Variants in PAK3 observed in about 807,000 individuals in gnomAD.
The protein encoded by PAK3 is serine/threonine-protein kinase PAK 3.
PAK3 carries 4 observed loss-of-function variants against 41.0 expected under a neutral mutation model. The observed-to-expected ratio is 0.10, with a 90% CI of 0.05 to 0.22. The LOEUF is 0.22. PAK3 is among the 10% of genes least tolerant of loss of function. The pLI is 1.00. For missense variants in PAK3, 205 were observed against 409.9 expected, an observed-to-expected ratio of 0.50 and a Z score of 4.32; for synonymous variants, 146 against 139.6, an observed-to-expected ratio of 1.05 and a Z score of -0.32.
intron 1 of PAK3, among the ~76,000 whole-genome samples, chrX:111,022,894 TTA>T (rs760146975): frequency 1.8e-5 from 2 of 108,633 alleles, no homozygotes; most frequent in Admixed American, 9.9e-5. Flanking sequence ...GCTATTCTTT[TTA>T]TATATATATA....
intron 1 of PAK3, among the ~76,000 whole-genome samples, chrX:111,068,545 G>T (rs1320960743): frequency 8.9e-6 from 1 of 112,503 alleles, no homozygotes; most frequent in African/African-American, 3.2e-5. Context: ...CAAACAATCT[G>T]CCCACCTCGG....
At chrX:110,948,845 A>G (rs2090680484) in intron 1 of PAK3, among the ~76,000 whole-genome samples, 1 of 112,477 alleles carries the variant, frequency 8.9e-6, no homozygotes, top group South Asian at 3.7e-4. Context: ...TGTGACTTTA[A>G]GACTGTGTGA....
At chrX:111,217,647 C>CT (rs2094893509) in intron 17 of PAK3, 1 of 932,063 alleles carries the variant, frequency 1.1e-6, no homozygotes, top group African/African-American at 2.0e-5. Flanking sequence ...TACATCTTTT[C>CT]TTTTCTGCTA....
chrX:111,183,978 T>C (rs2094484947), intron 11 of PAK3, among the ~76,000 whole-genome samples: 1 of 111,768 alleles, frequency 8.9e-6, no homozygotes, highest in Non-Finnish European at 1.9e-5. Flanking sequence ...GAAAGATCTC[T>C]AACTTCAAGT....
intron 1 of PAK3, among the ~76,000 whole-genome samples, chrX:110,959,521 T>C (rs183700782): frequency 1.5e-3 from 170 of 112,115 alleles, no homozygotes; most frequent in Non-Finnish European, 2.8e-3. Flanking sequence ...CATGTTAGCA[T>C]CACCTGGGGA....
intron 1 of PAK3, among the ~76,000 whole-genome samples, chrX:111,066,858 T>G (rs753339689): frequency 8.9e-6 from 1 of 112,213 alleles, no homozygotes; most frequent in East Asian, 2.8e-4. Context: ...TATGAGAAAA[T>G]TGAAGCTGAG....
Position 110,990,094 on chromosome X carries a change from G to A in PAK3, c.-28+45466G>A, listed in dbSNP as rs1416877683. ...CCGGCAGAGTCATAGAGTCGGTGTG[G>A]TCTAATGCAAAGAATCTGGGGCTCA... On this transcript the variant is annotated intron_variant, in intron 1 of 14. Coordinates refer to the PAK3 transcript ENST00000425146. Among the ~76,000 whole-genome samples, 4 of 111,660 alleles carry A rather than the reference G, an allele frequency of 3.6e-5. No individual in the cohort carries two copies. In the Admixed American group the frequency reaches 3.8e-4, roughly 11 times the overall value.
intron 7 of PAK3, among the ~76,000 whole-genome samples, chrX:111,151,229 T>C (rs181703114): frequency 6.2e-5 from 7 of 112,475 alleles, no homozygotes; most frequent in African/African-American, 1.9e-4. Flanking sequence ...GAACTGAAAA[T>C]GTATTCAAGA....
At position 111,221,008 on chromosome X, in the gene PAK3, C is replaced by G. The variant is rs1458313876; in HGVS notation, c.*561C>G. The G allele has an allele frequency of 1.8e-5, 2 of 109,016 alleles. No individual in the cohort carries two copies. The allele number at this position is 109,016 out of a possible 1,213,427, so 9.0% of individuals were successfully genotyped here. On this transcript the variant is annotated 3_prime_UTR_variant, in exon 18 of 18. Coordinates refer to ENST00000372007, the MANE Select transcript of PAK3 (RefSeq NM_002578.5). Reference sequence around the variant, plus strand: ...ACAAAAACAAGCAAACAAAAAATACCAGAGCAAGTACTGTGTGAACATGTG... The same window carrying G: ...ACAAAAACAAGCAAACAAAAAATACGAGAGCAAGTACTGTGTGAACATGTG...
intron 8 of PAK3, among the ~76,000 whole-genome samples, chrX:111,153,263 C>A (rs2094056570): frequency 8.9e-6 from 1 of 111,853 alleles, no homozygotes; most frequent in Non-Finnish European, 1.9e-5. Context: ...TAAATAACTT[C>A]TCTAAGGTTA....
At chrX:111,215,825 G>A (rs977339524) in intron 16 of PAK3, among the ~76,000 whole-genome samples, 10 of 111,919 alleles carry the variant, frequency 8.9e-5, no homozygotes, top group Admixed American at 8.5e-4. Flanking sequence ...AAATCAATAG[G>A]GATACAGCTG....
At chrX:111,009,029 T>A (rs1429312964) in intron 1 of PAK3, among the ~76,000 whole-genome samples, 2 of 111,299 alleles carry the variant, frequency 1.8e-5, no homozygotes, top group African/African-American at 6.5e-5. Flanking sequence ...GGTTTTTTTT[T>A]AATATTGAAG....
In PAK3 at chrX:111,004,819, A is replaced by C. The variant is rs776977389; in HGVS notation, c.-28+60191A>C. ...GCCCTCCATTTGGGCTTTGGTGATA[A>C]CTAGAGTATTCTTTAGTTGTTAATC... On this transcript the variant is annotated intron_variant, in intron 1 of 14. Transcript: ENST00000425146. Among the ~76,000 whole-genome samples, 3 of 112,281 alleles carry C rather than the reference A, an allele frequency of 2.7e-5. No homozygotes were observed. In the South Asian group the frequency reaches 1.1e-3, roughly 42 times the overall value.
At chrX:111,032,592 C>T (rs370033088) in intron 1 of PAK3, among the ~76,000 whole-genome samples, 7 of 111,466 alleles carry the variant, frequency 6.3e-5, no homozygotes, top group African/African-American at 1.6e-4. Flanking sequence ...AAAAACAAAA[C>T]GAAAACTGCC....
intron 1 of PAK3, among the ~76,000 whole-genome samples, chrX:110,990,392 A>G (rs1296539140): frequency 1.8e-5 from 2 of 112,131 alleles, no homozygotes; most frequent in Non-Finnish European, 3.8e-5. Context: ...CCATTTATGC[A>G]GGGCATGCCA....
At chrX:111,187,439 T>C (rs2149300239) in intron 11 of PAK3, among the ~76,000 whole-genome samples, 1 of 111,624 alleles carries the variant, frequency 9.0e-6, no homozygotes, top group Non-Finnish European at 1.9e-5. Flanking sequence ...CATTTAATCC[T>C]CCTTTAATCC....
rs1260648595 is a variant in PAK3 at position 111,163,744 on chromosome X, A to G, written c.766+17A>G. The G allele has an allele frequency of 5.3e-6, 6 of 1,140,514 alleles. No individual in the cohort carries two copies. The highest frequency in any genetic ancestry group is 7.2e-6 in the Non-Finnish European group (6 of 832,599). The allele number at this position is 1,140,514 out of a possible 1,213,427, so 94.0% of individuals were successfully genotyped here. A position where few individuals can be genotyped will look rare whatever the true frequency, so the allele number is the denominator to read the frequency against. On this transcript the variant is annotated intron_variant, in intron 10 of 17. Transcript: ENST00000372007. ...AGAAGCTAAGTGAGTACTTCTTGCC[A>G]TGATTACTTTCTACACGGGAGTGTT...
rs2094942638 is a variant in PAK3 at position 111,224,304 on chromosome X, G to A, written c.*3857G>A. The A allele has an allele frequency of 9.0e-6, 1 of 111,618 alleles. No homozygotes were observed. The highest frequency in any genetic ancestry group is 3.8e-4 in the South Asian group (1 of 2,600). 9.2% of individuals were successfully genotyped at this position (111,618 alleles called of 1,213,427 possible). A position where few individuals can be genotyped will look rare whatever the true frequency, so the allele number is the denominator to read the frequency against. Reference sequence around the variant, plus strand: ...GGGTGTCTGTTTTGTGGTTGCTTTAGATTGGAGGGGTGACCATTTTATTAG... The same window carrying A: ...GGGTGTCTGTTTTGTGGTTGCTTTAAATTGGAGGGGTGACCATTTTATTAG... On this transcript the variant is annotated 3_prime_UTR_variant, in exon 18 of 18. Transcript: ENST00000372007.
chrX:110,956,444 A>G (rs2090861200), intron 1 of PAK3, among the ~76,000 whole-genome samples: 1 of 111,191 alleles, frequency 9.0e-6, no homozygotes. Context: ...CCCACCCCAG[A>G]AAATATTTCT....
Sources: allele counts gnomAD v4.1 joint callset (sites outside exome capture counted in the v4.1 genomes callset), GRCh38; gene constraint gnomAD v4.1.1; transcripts MANE v1.5; gene names NCBI Gene and HGNC (gene_info 2026-07-23, HGNC 2026-07-21).